The following ZNF735 variants were observed in gnomAD, a reference collection of about 807,000 sequenced individuals.
The protein encoded by ZNF735 is zinc finger protein 735, also known as putative zinc finger protein 735.
A neutral mutation model predicts 13.4 loss-of-function variants in ZNF735; 11 were observed. The ratio of observed to expected loss-of-function variants is 0.82; its 90% CI spans 0.52 to 1.36. The LOEUF is 1.36. Among genes scored for constraint, ZNF735 ranks in the 40% most tolerant of loss-of-function variants. The probability of loss-of-function intolerance (pLI) is 0.00; values close to 1 mark genes in which losing one functional copy is unlikely to be tolerated. For missense variants in ZNF735, 500 were observed against 484.6 expected (o/e 1.03, Z -0.30); for synonymous variants, 171 against 162.6 (o/e 1.05, Z -0.39).
exon 4 of ZNF735, chr7:64,219,999 G>A: frequency 5.0e-6 from 8 of 1,613,196 alleles, no homozygotes; most frequent in Non-Finnish European, 6.8e-6. Flanking sequence ...TTTACCACAA[G>A]AGAATTCATA....
intron 1 of ZNF735, among the ~76,000 whole-genome samples, chr7:64,212,410 C>T (rs1787370849): frequency 6.6e-6 from 1 of 152,196 alleles, no homozygotes; most frequent in Non-Finnish European, 1.5e-5. Context: ...CATATTTAGA[C>T]TTAAGAGGTA....
intron 1 of ZNF735, among the ~76,000 whole-genome samples, chr7:64,208,244 GTTTTTTTTTTTTT>G (rs71060562): frequency 5.4e-5 from 5 of 93,080 alleles, no homozygotes; most frequent in East Asian, 2.8e-4. Flanking sequence ...TCCAATAAAT[GTTTTTTTTTTTTT>G]TTTTTTTTTT....
At chr7:64,210,247 G>A (rs1380631975) in intron 1 of ZNF735, among the ~76,000 whole-genome samples, 1 of 152,122 alleles carries the variant, frequency 6.6e-6, no homozygotes, top group Non-Finnish European at 1.5e-5. Context: ...CTCAGATATT[G>A]CTGCCTTCTG....
chr7:64,209,161 A>G (rs1787327812), intron 1 of ZNF735, among the ~76,000 whole-genome samples: 1 of 151,956 alleles, frequency 6.6e-6, no homozygotes, highest in Admixed American at 6.6e-5. Flanking sequence ...ATGGTTAAAC[A>G]AATTTATACT....
chr7:64,218,522 A>AT (rs1333063784), intron 3 of ZNF735, among the ~76,000 whole-genome samples: 1 of 150,422 alleles, frequency 6.6e-6, no homozygotes, highest in Admixed American at 6.6e-5. Context: ...TATTCCAACC[A>AT]TTTTGTTGAC....
chr7:64,219,472 G>A, exon 4 of ZNF735: 4 of 1,613,600 alleles, frequency 2.5e-6, no homozygotes, highest in Non-Finnish European at 3.4e-6. Flanking sequence ...GCACAAAGGA[G>A]GTTATAATGA....
chr7:64,207,373 G>T, intron 1 of ZNF735, 132 bp downstream of exon 1: 1 of 1,559,422 alleles, frequency 6.4e-7, no homozygotes, highest in Non-Finnish European at 8.8e-7. Flanking sequence ...CCTTGGCCCA[G>T]TTCGGCTGTT....
rs1363667938 is a variant in ZNF735 at position 64,207,995 on chromosome 7, AAAG to A, written c.39+760_39+762del. Among the ~76,000 whole-genome samples the A allele has an allele frequency of 9.2e-5, 14 of 152,156 alleles. No homozygotes were observed. The East Asian group carries it at 1.2e-3, about 13-fold the overall frequency. On this transcript the variant is annotated intron_variant, in intron 1 of 3. Transcript: ENST00000429565. ...AAGCAAGACTCCACCTCAAAAAAAAAAAGAAGAACCATAGAGCGCCCAGCTATG... is the reference window on the plus strand; with the variant it reads ...AAGCAAGACTCCACCTCAAAAAAAAAAAGAACCATAGAGCGCCCAGCTATG...
intron 3 of ZNF735, among the ~76,000 whole-genome samples, chr7:64,215,989 T>C (rs1787416027): frequency 6.6e-6 from 1 of 152,118 alleles, no homozygotes; most frequent in African/African-American, 2.4e-5. Context: ...CTAGATATAG[T>C]TCATAATAAA....
At chr7:64,209,369 GA>G (rs1787331045) in intron 1 of ZNF735, among the ~76,000 whole-genome samples, 1 of 145,560 alleles carries the variant, frequency 6.9e-6, no homozygotes, top group African/African-American at 2.6e-5. Context: ...TTTTTTTTGA[GA>G]CGGAGCTTCG....
At chr7:64,208,339 C>G (rs1424067648) in intron 1 of ZNF735, among the ~76,000 whole-genome samples, 2 of 136,522 alleles carry the variant, frequency 1.5e-5, no homozygotes, top group Admixed American at 1.6e-4. Flanking sequence ...CTCTTTACAA[C>G]CTCTGCCTCC....
At chr7:64,212,635 A>T (rs1787374380) in intron 1 of ZNF735, among the ~76,000 whole-genome samples, 1 of 152,050 alleles carries the variant, frequency 6.6e-6, no homozygotes, top group Admixed American at 6.6e-5. Flanking sequence ...TCTACTAAAA[A>T]TACAAAAATT....
chr7:64,207,707 G>A (rs749027144), intron 1 of ZNF735, among the ~76,000 whole-genome samples: 63 of 152,164 alleles, frequency 4.1e-4, no homozygotes, highest in Non-Finnish European at 8.5e-4. Flanking sequence ...TCATAGAGCG[G>A]GCCAGGCGCG....
At chr7:64,207,802 C>T in intron 1 of ZNF735, among the ~76,000 whole-genome samples, 1 of 152,142 alleles carries the variant, frequency 6.6e-6, no homozygotes, top group East Asian at 1.9e-4. Context: ...GCATGACCAA[C>T]ATGGTAAAAC....
At chr7:64,220,092 T>A in exon 4 of ZNF735, 1 of 1,613,510 alleles carries the variant, frequency 6.2e-7, no homozygotes, top group South Asian at 1.1e-5. Flanking sequence ...AGATAATTCA[T>A]ACTGGAGAGA....
chr7:64,210,609 C>T (rs1284710645), intron 1 of ZNF735, among the ~76,000 whole-genome samples: 2 of 152,206 alleles, frequency 1.3e-5, no homozygotes, highest in African/African-American at 4.8e-5. Flanking sequence ...GCTGCACTGC[C>T]TGCCCTGTTT....
In ZNF735 at chr7:64,211,309, T is replaced by G. The variant is rs1787357281; in HGVS notation, c.40-1783T>G. On this transcript the variant is annotated intron_variant, in intron 1 of 3. Coordinates refer to ENST00000429565, the Ensembl canonical transcript of ZNF735. ...AAGATTTCTATTGAGGAAACACAGT[T>G]GTCTTTGGATATTAGTGAAAAGTGA... Among the ~76,000 whole-genome samples the G allele has an allele frequency of 2.0e-5, 3 of 152,298 alleles. No homozygotes were observed. The South Asian group carries it at 6.2e-4, about 32-fold the overall frequency.
In ZNF735 at chr7:64,213,042, C is replaced by T. The variant is rs371686286; in HGVS notation, c.40-50C>T. The T allele has an allele frequency of 1.2e-3, 1,824 of 1,555,534 alleles. 1 individual carries two copies. The highest frequency in any genetic ancestry group is 1.8e-3 in the Admixed American group (88 of 49,866). On this transcript the variant is annotated intron_variant, in intron 1 of 3. Coordinates refer to ENST00000429565, the Ensembl canonical transcript of ZNF735. ...TGAGTCAAATAAAAATCTCTGCTTA[C>T]GGCCATATGGTAAGTGTGTGTTCAT...
chr7:64,208,056 A>C (rs1156870425), intron 1 of ZNF735, among the ~76,000 whole-genome samples: 1 of 151,892 alleles, frequency 6.6e-6, no homozygotes, highest in Non-Finnish European at 1.5e-5. Context: ...GAGAGACTTG[A>C]AGAAAAGTCT....
Sources: gnomAD v4.1 joint callset for allele counts (sites outside exome capture counted in the v4.1 genomes callset) on GRCh38, gnomAD v4.1.1 for gene constraint, MANE v1.5 for transcripts, NCBI Gene and HGNC (gene_info 2026-07-23, HGNC 2026-07-21) for gene names.